The following PLEK2 variants were observed in gnomAD, a reference collection of about 807,000 sequenced individuals.
The protein encoded by PLEK2 is pleckstrin-2.
PLEK2 carries 29 observed loss-of-function variants against 43.8 expected under a neutral mutation model. That is an observed-to-expected ratio of 0.66 (90% CI 0.49 to 0.90). PLEK2 has a LOEUF of 0.90. PLEK2 is among the 40% of genes least tolerant of loss of function. The probability of loss-of-function intolerance (pLI) is 0.00; values close to 1 mark genes in which losing one functional copy is unlikely to be tolerated. For synonymous variants in PLEK2, 162 were observed against 173.2 expected, an observed-to-expected ratio of 0.94 and a Z score of 0.51; for missense variants, 398 against 448.1, an observed-to-expected ratio of 0.89 and a Z score of 1.01.
rs1221192192 is a variant in PLEK2, at chr14:67,397,767, C to T, written c.102G>A (p.Val34=). Residue 34 remains valine (V), a synonymous_variant, in exon 2 of 9, where the codon GTG becomes GTA. Coordinates refer to ENST00000216446, the MANE Select transcript of PLEK2 (RefSeq NM_016445.3). ...TCCGACCCCCCTCAAGCTTGTAGTA[C>T]ACCAGCGTGTTCTGCCGAAGGATGA... ...RWFILRQNTL[V]YYKLEGGRRV... 6.2e-7 allele frequency: 1 copy of T among 1,613,420 alleles called. No individual in the cohort carries two copies. The highest frequency in any genetic ancestry group is 8.5e-7 in the Non-Finnish European group (1 of 1,179,650).
intron 3 of PLEK2, among the ~76,000 whole-genome samples, 194 bp downstream of exon 3, chr14:67,395,208 G>T (rs2085998184): frequency 6.6e-6 from 1 of 152,152 alleles, no homozygotes; most frequent in African/African-American, 2.4e-5. Flanking sequence ...TAGGAATGGG[G>T]CAGGTAGGTA....
chr14:67,410,628 G>A (rs2139908773), intron 1 of PLEK2, among the ~76,000 whole-genome samples: 1 of 152,218 alleles, frequency 6.6e-6, no homozygotes, highest in South Asian at 2.1e-4. Context: ...ACCAAATAAC[G>A]TGCAACATCA....
Position 67,397,649 on chromosome 14 carries a change from G to C in PLEK2, c.207+13C>G. The C allele has an allele frequency of 1.2e-6, 2 of 1,603,858 alleles. No homozygotes were observed. The highest frequency in any genetic ancestry group is 1.7e-6 in the Non-Finnish European group (2 of 1,174,310). ...GAACAGAGAGGAGCTGGACAGCAGG[G>C]GCCATCACTTACCGGTCGGTTTTCA... On this transcript the variant is annotated intron_variant, in intron 2 of 8. Transcript: ENST00000216446.
At chr14:67,407,284 G>T (rs1033920531) in intron 1 of PLEK2, among the ~76,000 whole-genome samples, 4 of 151,906 alleles carry the variant, frequency 2.6e-5, no homozygotes, top group Non-Finnish European at 5.9e-5. Flanking sequence ...ACCACACCTG[G>T]CTAATTTTTT....
intron 1 of PLEK2, among the ~76,000 whole-genome samples, chr14:67,401,349 C>A (rs930193140): frequency 1.3e-5 from 2 of 151,736 alleles, no homozygotes; most frequent in South Asian, 2.1e-4. Flanking sequence ...AATAAATAAA[C>A]AAATAAATAA....
chr14:67,390,805 T>A, intron 6 of PLEK2, 59 bp from the exon 7 acceptor site: 1 of 1,172,272 alleles, frequency 8.5e-7, no homozygotes, highest in Non-Finnish European at 1.3e-6. Context: ...CTCTCTCCTG[T>A]ATCTATGCAT....
intron 2 of PLEK2, 107 bp from the exon 3 acceptor site, chr14:67,395,690 A>C: frequency 1.2e-6 from 1 of 814,804 alleles, no homozygotes; most frequent in African/African-American, 1.7e-5. Context: ...GTGACTGCCA[A>C]ATGCCCTGAG....
Position 67,403,244 on chromosome 14 carries a change from C to A in PLEK2, c.43-5418G>T, listed in dbSNP as rs2086060137. Among the ~76,000 whole-genome samples, 4 of 152,186 alleles carry A rather than the reference C, an allele frequency of 2.6e-5. No individual in the cohort carries two copies. In the South Asian group the frequency reaches 8.3e-4, roughly 32 times the overall value. On this transcript the variant is annotated intron_variant, in intron 1 of 8. Coordinates refer to ENST00000216446, the MANE Select transcript of PLEK2 (RefSeq NM_016445.3). The stretch of plus-strand genomic sequence containing the variant: ...TCTTTCGAGAAATGTCTATTCAAAT[C>A]TTTTGCCCATTTTGCATTGATGCAT...
intron 1 of PLEK2, among the ~76,000 whole-genome samples, chr14:67,406,794 G>C (rs1021316545): frequency 6.6e-6 from 1 of 152,176 alleles, no homozygotes; most frequent in Non-Finnish European, 1.5e-5. Flanking sequence ...ACCATGCACA[G>C]AGGGCATAGT....
intron 1 of PLEK2, among the ~76,000 whole-genome samples, chr14:67,399,040 G>T (rs1195609344): frequency 6.6e-6 from 1 of 152,182 alleles, no homozygotes; most frequent in Non-Finnish European, 1.5e-5. Flanking sequence ...ATTTTGACCT[G>T]CATCTGCTTT....
intron 7 of PLEK2, among the ~76,000 whole-genome samples, chr14:67,388,804 C>T (rs1252548167): frequency 3.3e-5 from 5 of 152,006 alleles, no homozygotes; most frequent in East Asian, 3.9e-4. Context: ...CTCAGTCTCC[C>T]GAGGAACTGG....
At chr14:67,409,416 T>C (rs2086102182) in intron 1 of PLEK2, among the ~76,000 whole-genome samples, 1 of 152,196 alleles carries the variant, frequency 6.6e-6, no homozygotes, top group Non-Finnish European at 1.5e-5. Flanking sequence ...CTCTTTGTTA[T>C]AAAGCTTTTA....
rs1476619516 is a variant in PLEK2 at position 67,392,711 on chromosome 14, C to T, written c.620G>A (p.Gly207Glu). Residue 207 changes from glycine to glutamate, a missense_variant, in exon 5 of 9, where the codon GGG becomes GAG. Physicochemically the swap from Gly to Glu is moderately conservative, Grantham distance 98. Coordinates refer to ENST00000216446, the MANE Select transcript of PLEK2 (RefSeq NM_016445.3). ...GVRSMGAIRS[G>E]DLAEQFLDDS... ...ATCCAGGAACTGCTCGGCCAGATCCCCAGAGCGAATGGCTCCCATGCTTCG... is the reference window on the plus strand; with the variant it reads ...ATCCAGGAACTGCTCGGCCAGATCCTCAGAGCGAATGGCTCCCATGCTTCG... 6.2e-7 allele frequency: 1 copy of T among 1,614,212 alleles called. No homozygotes were observed. The highest frequency in any genetic ancestry group is 1.7e-5 in the Admixed American group (1 of 60,028).
intron 3 of PLEK2, 54 bp from the exon 4 acceptor site, chr14:67,393,295 A>C (rs1232839776): frequency 1.6e-6 from 2 of 1,242,378 alleles, no homozygotes; most frequent in Non-Finnish European, 1.2e-6. Context: ...GGGCAGGTAT[A>C]AGGGAGGGTC....
intron 7 of PLEK2, among the ~76,000 whole-genome samples, chr14:67,389,157 T>C (rs561059849): frequency 1.3e-5 from 2 of 152,134 alleles, no homozygotes; most frequent in South Asian, 4.2e-4. Flanking sequence ...CTTCAATTAA[T>C]CAATAATCAA....
In PLEK2 at chr14:67,392,648, A is replaced by C. The variant is rs2085977664; in HGVS notation, c.669+14T>G. On this transcript the variant is annotated intron_variant, in intron 5 of 8. Coordinates refer to ENST00000216446, the MANE Select transcript of PLEK2 (RefSeq NM_016445.3). ...TTTGCCCTGGTGGCAAGAAGAACCC[A>C]CTCCCCAACTTACAAAAGTGTACAG... The C allele has an allele frequency of 6.2e-7, 1 of 1,600,372 alleles. No homozygotes were observed. The highest frequency in any genetic ancestry group is 1.1e-5 in the South Asian group (1 of 90,274).
intron 1 of PLEK2, among the ~76,000 whole-genome samples, chr14:67,406,259 A>AAC (rs1491461511): frequency 3.8e-5 from 3 of 79,004 alleles, no homozygotes; most frequent in Non-Finnish European, 5.5e-5. Flanking sequence ...ATTCCATCTC[A>AAC]AAAAAAAAAA....
At chr14:67,407,396 C>T (rs1566631873) in intron 1 of PLEK2, among the ~76,000 whole-genome samples, 2 of 151,902 alleles carry the variant, frequency 1.3e-5, no homozygotes, top group Non-Finnish European at 2.9e-5. Flanking sequence ...GCTGGGATTA[C>T]AGGCATGAGC....
intron 1 of PLEK2, among the ~76,000 whole-genome samples, chr14:67,405,631 A>G (rs901451456): frequency 6.6e-6 from 1 of 152,162 alleles, no homozygotes; most frequent in Non-Finnish European, 1.5e-5. Context: ...TGGTATCCCA[A>G]TTCTGACATT....
Sources: gnomAD v4.1 joint callset for allele counts (sites outside exome capture counted in the v4.1 genomes callset) on GRCh38, gnomAD v4.1.1 for gene constraint, MANE v1.5 for transcripts, NCBI Gene and HGNC (gene_info 2026-07-23, HGNC 2026-07-21) for gene names.